TTN: variants seen among roughly 807,000 people sequenced by gnomAD.
TTN encodes the protein connectin.
In TTN, 1,525 loss-of-function variants were observed where a neutral mutation model predicts 3,223.0. The ratio of observed to expected loss-of-function variants is 0.47; its 90% CI spans 0.45 to 0.49. TTN has a LOEUF of 0.49. Among genes scored for constraint, TTN ranks in the 20% least tolerant of loss-of-function variants. TTN has a pLI of 0.00. For synonymous variants in TTN, 14,094 were observed against 15,161.0 expected (o/e 0.93, Z 5.17); for missense variants, 40,786 against 43,424.0 (o/e 0.94, Z 5.40).
chr2:178,543,829 C>T lies in TTN; in HGVS notation c.96310+5G>A. The T allele has an allele frequency of 6.2e-7, 1 of 1,612,640 alleles. No homozygotes were observed. Among genetic ancestry groups the T allele is most frequent in the East Asian group, 2.2e-5 (1 of 44,836 alleles). On this transcript the variant is annotated splice_donor_5th_base_variant and intron_variant, in intron 346 of 362. Transcript: ENST00000589042. The stretch of plus-strand genomic sequence containing the variant: ...TGTATAGCCAATTTTAAGTAAAATG[C>T]TTACCATAGACTTTAACAAGGACTG...
rs772459238 is a variant in TTN, at chr2:178,711,162, G to A, written c.28074C>T (p.Leu9358=). ...GGCTCCGGTCAGTTTTAAAAATATTGAGTGTGGCTGTATTGTCTAAAAATG... is the reference window on the plus strand; with the variant it reads ...GGCTCCGGTCAGTTTTAAAAATATTAAGTGTGGCTGTATTGTCTAAAAATG... ...QTSFLDNTAT[L]NIFKTDRSLA... is the part of the protein sequence containing the mutation. Residue 9358 remains leucine (L), a synonymous_variant, in exon 97 of 363, where the codon CTC becomes CTT. Transcript: ENST00000589042. The A allele has an allele frequency of 1.3e-5, 21 of 1,613,874 alleles. No individual in the cohort carries two copies. Among genetic ancestry groups the A allele is most frequent in the East Asian group, 2.2e-5 (1 of 44,888 alleles).
chr2:178,540,463 G>C, intron 350 of TTN, 93 bp from the exon 351 acceptor site: 2 of 1,070,824 alleles, frequency 1.9e-6, no homozygotes, highest in East Asian at 5.1e-5. Flanking sequence ...TGTTGAAACG[G>C]ACTGTTAACA....
chr2:178,757,568 G>A lies in TTN; in HGVS notation c.10652C>T (p.Ala3551Val), dbSNP rs2154335907. The part of the protein sequence containing the change: ...AANSAGEATC[A>V]ATLTVTPKVQ... ...TTTTGGAGTCACTGTGAGTGTAGCT[G>A]CACAAGTGGCTTCCCCAGCACTATT... Residue 3551 changes from alanine to valine, a missense_variant, in exon 45 of 363, where the codon GCA becomes GTA. Transcript: ENST00000589042. The A allele has an allele frequency of 6.3e-7, 1 of 1,592,724 alleles. No homozygotes were observed. The highest frequency in any genetic ancestry group is 8.6e-7 in the Non-Finnish European group (1 of 1,166,908).
chr2:178,690,523 T>C (rs2072122445), intron 121 of TTN, among the ~76,000 whole-genome samples: 2 of 152,104 alleles, frequency 1.3e-5, no homozygotes, highest in African/African-American at 4.8e-5. Flanking sequence ...TCTAAGGGGC[T>C]CTAGAGTTTT....
In TTN at chr2:178,553,615, A is replaced by T. The variant is rs1431345773; in HGVS notation, c.89390T>A (p.Val29797Glu). 1 of 1,613,898 alleles carries T rather than the reference A, an allele frequency of 6.2e-7. No homozygotes were observed. Among genetic ancestry groups the T allele is most frequent in the South Asian group, 1.1e-5 (1 of 91,082 alleles). Residue 29797 changes from valine to glutamate, a missense_variant, in exon 334 of 363, where the codon GTA becomes GAA. Val to Glu is a moderately radical substitution (Grantham distance 121, BLOSUM62 -2). Transcript: ENST00000589042. ...KGEVRTTEYV[V>E]SNLKPGVNYY... ...ATTGACTCCAGGTTTCAGGTTGGAT[A>T]CCACATATTCTGTAGTTCTGACCTC...
intron 88 of TTN, 67 bp downstream of exon 88, chr2:178,717,028 C>G (rs2077587924): frequency 6.6e-7 from 1 of 1,511,090 alleles, no homozygotes; most frequent in African/African-American, 1.4e-5. Context: ...TCAAGCACAC[C>G]CACCCTCCTA....
rs1165543503 is a variant in TTN, at chr2:178,566,327, A to G, written c.79805T>C (p.Ile26602Thr). 1.9e-6 allele frequency: 3 copies of G among 1,613,436 alleles called. No homozygotes were observed. In the Admixed American group the frequency reaches 5.0e-5, roughly 27 times the overall value. ...LDLDSELRKG[I>T]VVRAGGSARI... ...GGCAGATCCACCAGCTCTTACAACA[A>G]TTCCTTTTCTTAATTCGGAGTCAAG... Residue 26602 changes from isoleucine (I) to threonine (T), a missense_variant, in exon 326 of 363, where the codon ATT (isoleucine) becomes ACT (threonine). Physicochemically the swap from Ile to Thr is moderately conservative, Grantham distance 89. Coordinates refer to ENST00000589042, the MANE Select transcript of TTN (RefSeq NM_001267550.2).
rs2065716363 is a variant in TTN, at chr2:178,665,236, A to G, written c.36043+141T>C. On this transcript the variant is annotated intron_variant, in intron 165 of 362. Transcript: ENST00000589042. The stretch of plus-strand genomic sequence containing the variant: ...CATAAATAATTTCTTTTTAGAGGAA[A>G]CTTCCTGTGGAACCTCAGACACTTA... 3.5e-6 allele frequency: 3 copies of G among 861,968 alleles called. No homozygotes were observed. In the East Asian group the frequency reaches 7.8e-5, roughly 23 times the overall value. 53.4% of individuals were successfully genotyped at this position (861,968 alleles called of 1,614,324 possible). A position where few individuals can be genotyped will look rare whatever the true frequency, so the allele number is the denominator to read the frequency against.
rs367720439 is a variant in TTN at position 178,684,038 on chromosome 2, T to G, written c.32767A>C (p.Lys10923Gln). 43 of 1,612,248 alleles carry G rather than the reference T, an allele frequency of 2.7e-5. No individual in the cohort carries two copies. In the African/African-American group the frequency reaches 4.9e-4, roughly 19 times the overall value. Residue 10923 changes from lysine to glutamine, a missense_variant, in exon 133 of 363, where the codon AAA (lysine) becomes CAA (glutamine). Coordinates refer to ENST00000589042, the MANE Select transcript of TTN (RefSeq NM_001267550.2). Reference sequence around the variant, plus strand: ...TCCTCCTCTCTTTTAGGTTTGAGTTTCAGAACTTTTTCTTCTGGGACAGCT... The same window carrying G: ...TCCTCCTCTCTTTTAGGTTTGAGTTGCAGAACTTTTTCTTCTGGGACAGCT... ...KRAVPEEKVL[K>Q]LKPKREEEPP...
Position 178,751,774 on chromosome 2 carries a change from C to A in TTN, c.11311+1350G>T, listed in dbSNP as rs370206902. 3.7e-6 allele frequency: 6 copies of A among 1,612,928 alleles called. No homozygotes were observed. In the African/African-American group the frequency reaches 8.0e-5, roughly 22 times the overall value. On this transcript the variant is annotated intron_variant, in intron 47 of 362. Transcript: ENST00000589042. Reference sequence around the variant, plus strand: ...TCCGACGAAGACCTGTTGGGATGGGCCGATTGTTATGAAACCAAGTCATTT... The same window carrying A: ...TCCGACGAAGACCTGTTGGGATGGGACGATTGTTATGAAACCAAGTCATTT...
At position 178,568,586 on chromosome 2, in the gene TTN, GA is replaced by G. The variant is rs1181600259; in HGVS notation, c.77545del (p.Ser25849HisfsTer38). ...KQTTRINVTD[S>X]LDLTTLSIKE... ...AATACTGAGTGTGGTGAGATCCAGT[GA>G]ATCGGTAACATTGATTCTTGTGGTC... On this transcript the variant is annotated frameshift_variant, in exon 326 of 363. Transcript: ENST00000589042. LOFTEE classifies it high-confidence loss of function. 6.2e-7 allele frequency: 1 copy of G among 1,613,324 alleles called. No homozygotes were observed.
chr2:178,601,190 GA>G lies in TTN; in HGVS notation c.55733-20del. 6.6e-7 allele frequency: 1 copy of G among 1,520,230 alleles called. No homozygotes were observed. Among genetic ancestry groups the G allele is most frequent in the Non-Finnish European group, 8.8e-7 (1 of 1,138,008 alleles). The allele number at this position is 1,520,230 out of a possible 1,614,324, so 94.2% of individuals were successfully genotyped here. A position where few individuals can be genotyped will look rare whatever the true frequency, so the allele number is the denominator to read the frequency against. ...GGAGGATCTGTAAAAATAATTAAAGGAAGTATTAAGCGTTGTTTATAATAAT... is the reference window on the plus strand; with the variant it reads ...GGAGGATCTGTAAAAATAATTAAAGGAGTATTAAGCGTTGTTTATAATAAT... On this transcript the variant is annotated intron_variant, in intron 287 of 362. Transcript: ENST00000589042.
In TTN at chr2:178,614,553, T is replaced by TATCA; in HGVS notation, c.48957_48960dup (p.Ser16321Ter). 6.2e-7 allele frequency: 1 copy of TATCA among 1,612,504 alleles called. No homozygotes were observed. Among genetic ancestry groups the TATCA allele is most frequent in the African/African-American group, 1.3e-5 (1 of 74,940 alleles). On this transcript the variant is annotated stop_gained and frameshift_variant, in exon 261 of 363. Transcript: ENST00000589042. LOFTEE classifies it high-confidence loss of function. ...TATGTGCCAGTGTCACTTCTCTTACTATCAACAATAGTCACTGTGGATTTC... is the reference window on the plus strand; with the variant it reads ...TATGTGCCAGTGTCACTTCTCTTACTATCAATCAACAATAGTCACTGTGGATTTC...
In TTN at chr2:178,720,260, A is replaced by T. The variant is rs768874223; in HGVS notation, c.23382T>A (p.Pro7794=). Residue 7794 remains proline, a synonymous_variant, in exon 81 of 363, where the codon CCT becomes CCA. Coordinates refer to ENST00000589042, the MANE Select transcript of TTN (RefSeq NM_001267550.2). ...TCSCSVKFKE[P]PRFVKKLSDT... ...CACTTAGCTTTTTCACGAATCGTGGAGGTTCTGATGAAAGAAATTTGTGGT... is the reference window on the plus strand; with the variant it reads ...CACTTAGCTTTTTCACGAATCGTGGTGGTTCTGATGAAAGAAATTTGTGGT... The T allele has an allele frequency of 7.1e-5, 114 of 1,607,766 alleles. No homozygotes were observed. The highest frequency in any genetic ancestry group is 9.1e-5 in the Non-Finnish European group (107 of 1,176,002).
In TTN at chr2:178,592,623, T is replaced by C. The variant is rs2050465939; in HGVS notation, c.59382A>G (p.Arg19794=). ...PELILDANMA[R]EQHIKVGDTL... ...TATCACCAACTTTAATGTGTTGTTC[T>C]CTTGCCATGTTGGCATCAAGAATCA... is the stretch of plus-strand genomic sequence containing the variant. Residue 19794 remains arginine, a synonymous_variant, in exon 301 of 363, where the codon AGA becomes AGG. Transcript: ENST00000589042. The C allele has an allele frequency of 6.2e-7, 1 of 1,613,196 alleles. No homozygotes were observed. The highest frequency in any genetic ancestry group is 1.7e-5 in the Admixed American group (1 of 59,948).
chr2:178,762,462 A>G (rs1250039077), intron 43 of TTN, among the ~76,000 whole-genome samples: 3 of 152,188 alleles, frequency 2.0e-5, no homozygotes, highest in African/African-American at 7.2e-5. Context: ...CTTCAGGTGT[A>G]TTTCTACAAC....
intron 47 of TTN, chr2:178,748,612 A>G (rs1467020798): frequency 1.2e-6 from 2 of 1,613,050 alleles, no homozygotes; most frequent in Non-Finnish European, 1.7e-6. Flanking sequence ...CTTCTGGTTG[A>G]CCACTATCTA....
In TTN at chr2:178,562,390, T is replaced by C. The variant is rs778220693; in HGVS notation, c.83742A>G (p.Thr27914=). Residue 27914 remains threonine (T), a synonymous_variant, in exon 326 of 363, where the codon ACA becomes ACG. Transcript: ENST00000589042. ...TAGTTGCTTCTAGAGTCTTAACTTG[T>C]GTGCAGGTGCTCCACTTTTCACTCC... ...TKGSEKWSTC[T]QVKTLEATIS... is the part of the protein sequence containing the mutation. 7.4e-6 allele frequency: 12 copies of C among 1,611,580 alleles called. No homozygotes were observed. Among genetic ancestry groups the C allele is most frequent in the Non-Finnish European group, 1.0e-5 (12 of 1,179,102 alleles).
intron 46 of TTN, among the ~76,000 whole-genome samples, chr2:178,754,647 G>A (rs2086450771): frequency 2.6e-5 from 4 of 152,104 alleles, no homozygotes; most frequent in Admixed American, 2.6e-4. Context: ...AGGACTTGTA[G>A]ACAACACCTC....
Sources: gnomAD v4.1 joint callset for allele counts (sites outside exome capture counted in the v4.1 genomes callset) on GRCh38, gnomAD v4.1.1 for gene constraint, MANE v1.5 for transcripts, NCBI Gene and HGNC (gene_info 2026-07-23, HGNC 2026-07-21) for gene names.